The following CCND3 variants were observed in gnomAD, a reference collection of about 807,000 sequenced individuals.
CCND3 encodes cyclin D3.
A neutral mutation model predicts 28.7 loss-of-function variants in CCND3; 9 were observed. The observed-to-expected ratio is 0.31, with a 90% CI of 0.19 to 0.55. CCND3 has a LOEUF of 0.55. Among genes scored for constraint, CCND3 ranks in the 20% least tolerant of loss-of-function variants. The pLI, the probability that CCND3 is intolerant of heterozygous loss-of-function variation, is 0.93. For synonymous variants in CCND3, 164 were observed against 163.9 expected (o/e 1.00, Z 0.00); for missense variants, 315 against 385.8 (o/e 0.82, Z 1.54).
At chr6:42,021,798 G>A (rs1763720774) in intron 1 of CCND3, among the ~76,000 whole-genome samples, 1 of 152,184 alleles carries the variant, frequency 6.6e-6, no homozygotes, top group African/African-American at 2.4e-5. Flanking sequence ...GTGGGTAAAG[G>A]CCTGGAAAGG....
At chr6:41,992,651 G>A (rs925514544) in intron 1 of CCND3, among the ~76,000 whole-genome samples, 1 of 151,818 alleles carries the variant, frequency 6.6e-6, no homozygotes, top group African/African-American at 2.4e-5. Flanking sequence ...GTTTCACCAT[G>A]TTGGCCAGGC....
At chr6:41,943,463 A>G (rs536423033), upstream of CCND3, among the ~76,000 whole-genome samples, 1 of 152,344 alleles carries the variant, frequency 6.6e-6, no homozygotes, top group Non-Finnish European at 1.5e-5. Flanking sequence ...TGTAATAGGG[A>G]CATAATATAC....
At chr6:42,042,364 GT>G (rs34181861) in intron 1 of CCND3, among the ~76,000 whole-genome samples, 17,099 of 144,550 alleles carry the variant, frequency 0.12, 1,262 homozygotes, top group East Asian at 0.23. Context: ...TCGGAAGTGG[GT>G]TTTTTTTTTT....
intron 1 of CCND3, among the ~76,000 whole-genome samples, chr6:42,041,827 G>A (rs1385632111): frequency 6.6e-6 from 1 of 152,214 alleles, no homozygotes; most frequent in East Asian, 1.9e-4. Context: ...GGCCCTCTGC[G>A]CCTCATGCTC....
chr6:41,980,204 T>C (rs1173534665), intron 1 of CCND3, among the ~76,000 whole-genome samples: 2 of 151,940 alleles, frequency 1.3e-5, no homozygotes, highest in Admixed American at 1.3e-4. Flanking sequence ...GGCACAATCT[T>C]GGCTCGCTGC....
intron 1 of CCND3, among the ~76,000 whole-genome samples, chr6:41,973,579 A>G (rs981655002): frequency 2.6e-5 from 4 of 152,208 alleles, no homozygotes; most frequent in African/African-American, 9.6e-5. Flanking sequence ...ATCACTGTAA[A>G]TCCTGGAGTT....
At chr6:41,937,680 C>T in intron 2 of CCND3, 1 of 437,910 alleles carries the variant, frequency 2.3e-6, no homozygotes, top group South Asian at 2.7e-5. Flanking sequence ...GGCCAATAAT[C>T]CAGGCCTTCT....
chr6:42,017,533 C>A (rs1763559535), intron 1 of CCND3, among the ~76,000 whole-genome samples: 2 of 152,196 alleles, frequency 1.3e-5, no homozygotes, highest in Non-Finnish European at 2.9e-5. Flanking sequence ...CCACCCCACA[C>A]CCTGCAAGCT....
chr6:42,019,488 CAA>C (rs57466823), intron 1 of CCND3, among the ~76,000 whole-genome samples: 7 of 84,804 alleles, frequency 8.3e-5, no homozygotes, highest in African/African-American at 1.4e-4. Context: ...GACTCTGTCT[CAA>C]AAAAAAAAAA....
Position 42,048,832 on chromosome 6 carries a change from G to C in CCND3, c.-377C>G, listed in dbSNP as rs1431828289. 5 of 345,024 alleles carry C rather than the reference G, an allele frequency of 1.4e-5. No individual in the cohort carries two copies. The highest frequency in any genetic ancestry group is 9.2e-5 in the African/African-American group (4 of 43,640). The allele number at this position is 345,024 out of a possible 1,614,324, so 21.4% of individuals were successfully genotyped here. ...CCACCCCCTGTACACCCTCGGCGAG[G>C]CCAGGAGGCTCATCCGGCGCCGCGC... is the stretch of plus-strand genomic sequence containing the variant. On this transcript the variant is annotated 5_prime_UTR_variant, in exon 1 of 5. Transcript: ENST00000372988. The surrounding 1 kb of genome is among the most constrained non-coding windows in gnomAD (Gnocchi z 4.7).
intron 1 of CCND3, among the ~76,000 whole-genome samples, chr6:41,999,282 C>A (rs987075202): frequency 1.3e-5 from 2 of 152,086 alleles, no homozygotes; most frequent in African/African-American, 4.8e-5. Flanking sequence ...GAGTTTCACT[C>A]TTGCTGCCCG....
upstream of CCND3, among the ~76,000 whole-genome samples, chr6:41,942,114 C>G (rs1265262045): frequency 6.6e-6 from 1 of 152,226 alleles, no homozygotes; most frequent in Non-Finnish European, 1.5e-5. Context: ...CATTCATTCA[C>G]TTATTCATTC....
intron 1 of CCND3, among the ~76,000 whole-genome samples, chr6:41,996,808 G>C (rs1049161684): frequency 4.6e-5 from 7 of 151,952 alleles, no homozygotes; most frequent in African/African-American, 2.4e-5. Context: ...GGGACTGCAG[G>C]TGTGCGCCAC....
chr6:41,975,553 C>T (rs1762154215), intron 1 of CCND3, among the ~76,000 whole-genome samples: 1 of 152,112 alleles, frequency 6.6e-6, no homozygotes, highest in Non-Finnish European at 1.5e-5. Flanking sequence ...CCTCGGCTGG[C>T]ACATTATCTT....
intron 1 of CCND3, among the ~76,000 whole-genome samples, chr6:41,984,991 T>C (rs1475147394): frequency 1.3e-5 from 2 of 152,228 alleles, no homozygotes; most frequent in Non-Finnish European, 2.9e-5. Flanking sequence ...CATTTTTTAA[T>C]CAGGTTATTT....
chr6:42,022,606 T>TC (rs1561991593), intron 1 of CCND3, among the ~76,000 whole-genome samples: 1 of 151,862 alleles, frequency 6.6e-6, no homozygotes, highest in East Asian at 1.9e-4. Context: ...CAAAACAGGC[T>TC]CCCCCCAACC....
At chr6:42,006,584 G>A (rs553514462) in intron 1 of CCND3, among the ~76,000 whole-genome samples, 3 of 152,188 alleles carry the variant, frequency 2.0e-5, no homozygotes, top group Non-Finnish European at 2.9e-5. Context: ...GACTATCTAC[G>A]TGGAATCTCT....
chr6:41,985,503 C>T lies in CCND3; in HGVS notation c.-45-44918G>A, dbSNP rs558137379. Among the ~76,000 whole-genome samples the T allele has an allele frequency of 4.6e-5, 7 of 151,816 alleles. No individual in the cohort carries two copies. The East Asian group carries it at 7.7e-4, about 17-fold the overall frequency. Reference sequence around the variant, plus strand: ...TAATTTTGTGTATTTTTAATAGAGACGGGGTTTCACCATGTTGGCCAGGCT... The same window carrying T: ...TAATTTTGTGTATTTTTAATAGAGATGGGGTTTCACCATGTTGGCCAGGCT... On this transcript the variant is annotated intron_variant, in intron 1 of 4. Coordinates refer to the CCND3 transcript ENST00000372988.
chr6:41,944,948 C>T (rs1776132641), upstream of CCND3, among the ~76,000 whole-genome samples: 1 of 152,126 alleles, frequency 6.6e-6, no homozygotes, highest in Non-Finnish European at 1.5e-5. Context: ...CAATGCAGGA[C>T]CAGCACAAGT....
Sources: allele counts gnomAD v4.1 joint callset (sites outside exome capture counted in the v4.1 genomes callset), GRCh38; gene constraint gnomAD v4.1.1; non-coding constraint Gnocchi (gnomAD v3.1); transcripts MANE v1.5; gene names NCBI Gene and HGNC (gene_info 2026-07-23, HGNC 2026-07-21).